The following COG4 variants were observed in gnomAD, a reference collection of about 807,000 sequenced individuals.
The protein encoded by COG4 is conserved oligomeric Golgi complex subunit 4.
COG4 carries 65 observed loss-of-function variants against 95.1 expected under a neutral mutation model. The ratio of observed to expected loss-of-function variants is 0.68; its 90% confidence interval spans 0.56 to 0.84. The LOEUF is 0.84. COG4 is among the 40% of genes least tolerant of loss of function. The probability of loss-of-function intolerance (pLI) is 0.00; values close to 1 mark genes in which losing one functional copy is unlikely to be tolerated. For synonymous variants in COG4, 421 were observed against 374.8 expected, an observed-to-expected ratio of 1.12 and a Z score of -1.42; for missense variants, 1,045 against 989.1, an observed-to-expected ratio of 1.06 and a Z score of -0.76.
At position 70,517,465 on chromosome 16, in the gene COG4, G is replaced by A. The variant is rs534115225; in HGVS notation, c.369+161C>T. On this transcript the variant is annotated intron_variant, in intron 3 of 18. Coordinates refer to ENST00000323786, the MANE Select transcript of COG4 (RefSeq NM_015386.3). ...TAGCTGGGCATAGTGGTGGATGCCCGTAGTCCTAGCTCCTCAGGAGGCTGA... is the reference window on the plus strand; with the variant it reads ...TAGCTGGGCATAGTGGTGGATGCCCATAGTCCTAGCTCCTCAGGAGGCTGA... Among the ~76,000 whole-genome samples the A allele has an allele frequency of 1.1e-4, 16 of 151,662 alleles. No homozygotes were observed. The South Asian group carries it at 1.3e-3, about 12-fold the overall frequency.
At chr16:70,508,723 G>C (rs2049632839) in intron 7 of COG4, 1 of 634,034 alleles carries the variant, frequency 1.6e-6, no homozygotes, top group Admixed American at 2.2e-5. Flanking sequence ...ACTGTTTATA[G>C]TCTCCTAGTC....
In COG4 at chr16:70,484,105, T is replaced by C. The variant is rs1479385739; in HGVS notation, c.1711-136A>G. The C allele has an allele frequency of 2.1e-5, 15 of 721,378 alleles. 1 individual carries two copies. The highest frequency in any genetic ancestry group is 1.4e-4 in the South Asian group (10 of 69,082). 44.7% of individuals were successfully genotyped at this position (721,378 alleles called of 1,614,324 possible). On this transcript the variant is annotated intron_variant, in intron 13 of 18. Transcript: ENST00000323786. Reference sequence around the variant, plus strand: ...GATGGGTTTCAGAAAACCTGGATTCTATCCTGGTGGTTATCCACTTGGCTC... The same window carrying C: ...GATGGGTTTCAGAAAACCTGGATTCCATCCTGGTGGTTATCCACTTGGCTC...
chr16:70,512,205 C>T (rs770962967), intron 5 of COG4, 34 bp downstream of exon 5: 7 of 1,604,204 alleles, frequency 4.4e-6, no homozygotes, highest in Non-Finnish European at 5.1e-6. Context: ...CAGACAGCCA[C>T]ACAATTATCC....
Position 70,481,883 on chromosome 16 carries a change from A to G in COG4, c.2005-18T>C, listed in dbSNP as rs1597651695. 1 of 1,605,930 alleles carries G rather than the reference A, an allele frequency of 6.2e-7. No individual in the cohort carries two copies. The highest frequency in any genetic ancestry group is 8.5e-7 in the Non-Finnish European group (1 of 1,174,070). On this transcript the variant is annotated intron_variant, in intron 16 of 18. Coordinates refer to ENST00000323786, the MANE Select transcript of COG4 (RefSeq NM_015386.3). Reference sequence around the variant, plus strand: ...AGGCTGGCCTGCACACAGAGGGTTGACATCAGCCGAGCCCCACCTAACTCC... The same window carrying G: ...AGGCTGGCCTGCACACAGAGGGTTGGCATCAGCCGAGCCCCACCTAACTCC...
chr16:70,481,690 C>T lies in COG4; in HGVS notation c.2106+74G>A, dbSNP rs2048996222. On this transcript the variant is annotated intron_variant, in intron 17 of 18. Transcript: ENST00000323786. ...GCAGCAGACAGAGGGGATGCAAGTC[C>T]TGGGGGTGGTGGCATGACATGTCTT... The T allele has an allele frequency of 5.6e-6, 8 of 1,418,810 alleles. No homozygotes were observed. The South Asian group carries it at 9.4e-5, about 17-fold the overall frequency. 87.9% of individuals were successfully genotyped at this position (1,418,810 alleles called of 1,614,324 possible).
At chr16:70,508,980 T>A (rs754407221) in intron 7 of COG4, 5 of 572,144 alleles carry the variant, frequency 8.7e-6, no homozygotes, top group Non-Finnish European at 1.6e-5. Context: ...GTTTACTACT[T>A]CTGCTGTGTT....
intron 1 of COG4, 168 bp downstream of exon 1, chr16:70,523,205 G>T: frequency 1.3e-6 from 1 of 752,962 alleles, no homozygotes; most frequent in African/African-American, 1.8e-5. Flanking sequence ...CCGACAGCGT[G>T]AAAAGAGTTG....
chr16:70,513,211 T>A (rs1289873152), intron 4 of COG4, among the ~76,000 whole-genome samples: 2 of 152,198 alleles, frequency 1.3e-5, no homozygotes, highest in Non-Finnish European at 2.9e-5. Context: ...GCTTGAGAAA[T>A]ACTTGCACAA....
intron 3 of COG4, among the ~76,000 whole-genome samples, chr16:70,515,484 G>A (rs940905607): frequency 6.6e-6 from 1 of 152,108 alleles, no homozygotes; most frequent in Non-Finnish European, 1.5e-5. Flanking sequence ...AGGAGTTTGA[G>A]ACCAGCCTGA....
chr16:70,501,416 C>G, intron 8 of COG4: 2 of 317,198 alleles, frequency 6.3e-6, no homozygotes, highest in South Asian at 2.9e-5. Context: ...TGCAGTGGCT[C>G]GATCTCAGCT....
chr16:70,507,932 AT>A (rs1418237586), intron 8 of COG4, among the ~76,000 whole-genome samples: 4 of 151,324 alleles, frequency 2.6e-5, no homozygotes, highest in Non-Finnish European at 4.4e-5. Context: ...TTATTTATTT[AT>A]TTTTTGAGAC....
chr16:70,511,222 A>G (rs1483921115), intron 5 of COG4, among the ~76,000 whole-genome samples: 2 of 152,180 alleles, frequency 1.3e-5, no homozygotes, highest in Non-Finnish European at 2.9e-5. Context: ...AACCCTTCCA[A>G]AAGAAATCCT....
chr16:70,482,326 C>G, intron 15 of COG4, 151 bp from the exon 16 acceptor site: 1 of 705,230 alleles, frequency 1.4e-6, no homozygotes. Context: ...CTCAGACACC[C>G]AGGCTGGCAG....
At chr16:70,486,840 A>AT (rs1312769498) in intron 13 of COG4, among the ~76,000 whole-genome samples, 8 of 152,078 alleles carry the variant, frequency 5.3e-5, no homozygotes, top group African/African-American at 1.2e-4. Context: ...ACTAAAAAAT[A>AT]CAAAAATTAG....
At chr16:70,487,426 A>G (rs1293568095) in intron 13 of COG4, among the ~76,000 whole-genome samples, 2 of 151,970 alleles carry the variant, frequency 1.3e-5, no homozygotes, top group Non-Finnish European at 2.9e-5. Context: ...GCAAAACCCC[A>G]TCCCTACTAA....
Position 70,500,989 on chromosome 16 carries a change from T to G in COG4, c.1164A>C (p.Gly388=), listed in dbSNP as rs371757727. 3 of 1,614,106 alleles carry G rather than the reference T, an allele frequency of 1.9e-6. No individual in the cohort carries two copies. The Admixed American group carries it at 5.0e-5, about 27-fold the overall frequency. The part of the protein sequence containing the change: ...KKRISSDFEV[G]DSMASEEVKQ... ...TTACTTCCTCTGAGGCCATGGAGTC[T>G]CCCACCTCAAAATCAGAGCTAATCC... The change falls in exon 9 of 19, where the codon GGA becomes GGC. Residue 388 remains glycine, a synonymous_variant. Transcript: ENST00000323786.
chr16:70,502,040 T>A (rs2151752667), intron 8 of COG4, among the ~76,000 whole-genome samples: 1 of 151,778 alleles, frequency 6.6e-6, no homozygotes, highest in East Asian at 2.0e-4. Context: ...TCCCAACACT[T>A]TGGGAGGCTG....
intron 6 of COG4, 73 bp from the exon 7 acceptor site, chr16:70,509,461 C>G: frequency 1.3e-6 from 2 of 1,548,784 alleles, no homozygotes; most frequent in Non-Finnish European, 8.9e-7. Context: ...CCATCCAGGA[C>G]TAACCGAAGG....
chr16:70,514,082 C>T (rs1318002043), intron 4 of COG4, among the ~76,000 whole-genome samples: 7 of 152,026 alleles, frequency 4.6e-5, no homozygotes, highest in African/African-American at 4.8e-5. Context: ...TGGTGGTGTG[C>T]ACCTGTAGTC....
Sources: gnomAD v4.1 joint callset for allele counts (sites outside exome capture counted in the v4.1 genomes callset) on GRCh38, gnomAD v4.1.1 for gene constraint, MANE v1.5 for transcripts, NCBI Gene and HGNC (gene_info 2026-07-23, HGNC 2026-07-21) for gene names.